The following ADRA1A variants were observed in gnomAD, a reference collection of about 807,000 sequenced individuals.
ADRA1A encodes adrenoceptor alpha 1A.
A neutral mutation model predicts 29.6 loss-of-function variants in ADRA1A; 31 were observed. The observed-to-expected ratio is 1.05, with a 90% CI of 0.79 to 1.41. The LOEUF is 1.41. Among genes scored for constraint, ADRA1A ranks in the 40% most tolerant of loss-of-function variants. ADRA1A has a pLI of 0.00. For missense variants in ADRA1A, 619 were observed against 601.1 expected (o/e 1.03, Z -0.31); for synonymous variants, 311 against 254.3 (o/e 1.22, Z -2.12).
chr8:26,757,577 A>C (rs146337310), intron 2 of ADRA1A, among the ~76,000 whole-genome samples: 1 of 150,944 alleles, frequency 6.6e-6, no homozygotes, highest in Non-Finnish European at 1.5e-5. Context: ...CATATGCTTC[A>C]ATGTAGCATG....
chr8:26,867,329 T>A (rs58182760), upstream of ADRA1A: 41 of 985,426 alleles, frequency 4.2e-5, no homozygotes, highest in African/African-American at 7.0e-4. Flanking sequence ...CGTATTACTC[T>A]ACGGCAACAG....
rs1475114392 is a variant in ADRA1A at position 26,815,824 on chromosome 8, A to G, written c.884-45158T>C. Among the ~76,000 whole-genome samples, 2 of 152,354 alleles carry G rather than the reference A, an allele frequency of 1.3e-5. No individual in the cohort carries two copies. The highest frequency in any genetic ancestry group is 2.4e-5 in the African/African-American group (1 of 41,578). On this transcript the variant is annotated intron_variant, in intron 2 of 2. Coordinates refer to ENST00000380573, the MANE Select transcript of ADRA1A (RefSeq NM_000680.4). The surrounding 1 kb of genome is among the most constrained non-coding windows in gnomAD (Gnocchi z 4.2). Reference sequence around the variant, plus strand: ...AGCAAAGTAGCTGTCTGTGTTCCCTATAAAACAAAGGGTAAGGCAGTGAGT... The same window carrying G: ...AGCAAAGTAGCTGTCTGTGTTCCCTGTAAAACAAAGGGTAAGGCAGTGAGT...
downstream of ADRA1A, among the ~76,000 whole-genome samples, chr8:26,752,023 A>T (rs1433952269): frequency 6.6e-6 from 1 of 152,108 alleles, no homozygotes; most frequent in African/African-American, 2.4e-5. Context: ...CCATTGTGGG[A>T]TAATTTACAC....
chr8:26,819,856 A>G (rs1446066196), intron 2 of ADRA1A, among the ~76,000 whole-genome samples: 1 of 152,216 alleles, frequency 6.6e-6, no homozygotes, highest in African/African-American at 2.4e-5. Context: ...CATGCTGCCT[A>G]GAAAAGACTA....
intron 2 of ADRA1A, among the ~76,000 whole-genome samples, chr8:26,780,249 C>A (rs1563246817): frequency 1.3e-5 from 2 of 150,256 alleles, no homozygotes; most frequent in African/African-American, 4.9e-5. Context: ...TGGTCAGGAA[C>A]ATGCAAAGGT....
chr8:26,790,082 T>C (rs1003327986), intron 2 of ADRA1A, among the ~76,000 whole-genome samples: 1 of 152,170 alleles, frequency 6.6e-6, no homozygotes, highest in African/African-American at 2.4e-5. Context: ...AGAACTACCA[T>C]GATCCAGCAA....
intron 2 of ADRA1A, among the ~76,000 whole-genome samples, chr8:26,797,625 T>C (rs886205722): frequency 6.6e-6 from 1 of 151,832 alleles, no homozygotes; most frequent in Non-Finnish European, 1.5e-5. Context: ...AAGAAATTAA[T>C]ATATTTTTTA....
intron 2 of ADRA1A, among the ~76,000 whole-genome samples, chr8:26,783,395 CT>C (rs1807139004): frequency 6.6e-6 from 1 of 152,094 alleles, no homozygotes. Flanking sequence ...GATGTGGCAT[CT>C]TTTGTTCACT....
At chr8:26,790,178 C>A (rs1261824529) in intron 2 of ADRA1A, among the ~76,000 whole-genome samples, 1 of 152,088 alleles carries the variant, frequency 6.6e-6, no homozygotes, top group East Asian at 1.9e-4. Context: ...CAATGCTATT[C>A]ACGATAGCCA....
chr8:26,771,375 C>G (rs1204438562), intron 2 of ADRA1A, among the ~76,000 whole-genome samples: 1 of 152,178 alleles, frequency 6.6e-6, no homozygotes, highest in Non-Finnish European at 1.5e-5. Context: ...GCTATTTTTT[C>G]TCTAGCCAGA....
chr8:26,841,315 C>T lies in ADRA1A; in HGVS notation c.883+22772G>A, dbSNP rs1023375637. On this transcript the variant is annotated intron_variant, in intron 2 of 2. Coordinates refer to ENST00000380573, the MANE Select transcript of ADRA1A (RefSeq NM_000680.4). The surrounding 1 kb of genome is among the most constrained non-coding windows in gnomAD (Gnocchi z 4.4). The stretch of plus-strand genomic sequence containing the variant: ...TTCCAATCTCAGAGGACCACAGTCT[C>T]AAGGCCACCTACAGTTTCCTTTACC... Among the ~76,000 whole-genome samples the T allele has an allele frequency of 3.3e-5, 5 of 152,164 alleles. No homozygotes were observed. Among genetic ancestry groups the T allele is most frequent in the African/African-American group, 1.2e-4 (5 of 41,444 alleles).
chr8:26,854,416 A>AGGGGGGGGGGG (rs1200564632), intron 2 of ADRA1A: 1 of 18,718 alleles, frequency 5.3e-5, no homozygotes, highest in Non-Finnish European at 1.0e-4. Flanking sequence ...CTGAAGTTAA[A>AGGGGGGGGGGG]GCGGGGCGGG....
chr8:26,758,762 G>C (rs991775218), intron 2 of ADRA1A, among the ~76,000 whole-genome samples: 1 of 152,192 alleles, frequency 6.6e-6, no homozygotes, highest in Admixed American at 6.5e-5. Flanking sequence ...AAGCTAAGAG[G>C]TGAGCACAGG....
At chr8:26,797,024 A>T (rs994228534) in intron 2 of ADRA1A, among the ~76,000 whole-genome samples, 5 of 152,200 alleles carry the variant, frequency 3.3e-5, no homozygotes, top group African/African-American at 4.8e-5. Context: ...GTTCACAACG[A>T]TACTAAGGCA....
Position 26,865,894 on chromosome 8 carries a change from A to C in ADRA1A, c.-686-239T>G, listed in dbSNP as rs978923508. Among the ~76,000 whole-genome samples the C allele has an allele frequency of 8.6e-5, 9 of 105,122 alleles. No individual in the cohort carries two copies. Among genetic ancestry groups the C allele is most frequent in the African/African-American group, 1.2e-4 (4 of 33,116 alleles). The allele number at this position is 105,122 out of a possible 152,430, so 69.0% of individuals were successfully genotyped here. On this transcript the variant is annotated intron_variant, in intron 1 of 2. Transcript: ENST00000380573. The surrounding 1 kb of genome is among the most constrained non-coding windows in gnomAD (Gnocchi z 7.6). Reference sequence around the variant, plus strand: ...TGCCCGAGTTCAGGATCCGAAGCGAAAAACAAACAAAAAAACAAATCCCCA... The same window carrying C: ...TGCCCGAGTTCAGGATCCGAAGCGACAAACAAACAAAAAAACAAATCCCCA...
At chr8:26,852,388 T>G (rs1439479400) in intron 2 of ADRA1A, among the ~76,000 whole-genome samples, 2 of 152,032 alleles carry the variant, frequency 1.3e-5, no homozygotes, top group Non-Finnish European at 2.9e-5. Context: ...TCTCTAGAGA[T>G]TACATTAATG....
Position 26,770,020 on chromosome 8 carries a change from C to A in ADRA1A, c.*129G>T. 1 of 1,475,072 alleles carries A rather than the reference C, an allele frequency of 6.8e-7. No homozygotes were observed. Among genetic ancestry groups the A allele is most frequent in the Non-Finnish European group, 8.9e-7 (1 of 1,117,330 alleles). 91.4% of individuals were successfully genotyped at this position (1,475,072 alleles called of 1,614,324 possible). ...GCTGCCTGATGAGTTGGGTCTACCA[C>A]CCACCCCATTCCCAGCAGGTCCCCT... On this transcript the variant is annotated 3_prime_UTR_variant, in exon 3 of 3. Transcript: ENST00000380573.
chr8:26,786,921 G>A (rs7833369), intron 2 of ADRA1A, among the ~76,000 whole-genome samples: 28,514 of 152,002 alleles, frequency 0.19, 3,143 homozygotes, highest in East Asian at 0.47. Flanking sequence ...ATAAGTATTC[G>A]TTCATGGATA....
chr8:26,768,766 C>T (rs1464847617), downstream of ADRA1A: 2 of 409,160 alleles, frequency 4.9e-6, no homozygotes, highest in Non-Finnish European at 6.6e-6. Flanking sequence ...TAATCTGAAA[C>T]ACTTCTGGTT....
Sources: allele counts gnomAD v4.1 joint callset (sites outside exome capture counted in the v4.1 genomes callset), GRCh38; gene constraint gnomAD v4.1.1; non-coding constraint Gnocchi (gnomAD v3.1); transcripts MANE v1.5; gene names NCBI Gene and HGNC (gene_info 2026-07-23, HGNC 2026-07-21).